Variants in ZFAND3 observed in about 807,000 individuals in gnomAD.
ZFAND3 encodes the protein zinc finger AN1-type containing 3, also known as AN1-type zinc finger protein 3.
ZFAND3 carries 10 observed loss-of-function variants against 29.6 expected under a neutral mutation model. That is an observed-to-expected ratio of 0.34 (90% CI 0.21 to 0.57). ZFAND3 has a LOEUF of 0.57. Among genes scored for constraint, ZFAND3 ranks in the 20% least tolerant of loss-of-function variants. ZFAND3 has a pLI of 0.86. For missense variants in ZFAND3, 230 were observed against 304.5 expected (o/e 0.76, Z 1.82); for synonymous variants, 128 against 112.6 (o/e 1.14, Z -0.87).
chr6:37,961,589 G>A (rs965606565), intron 2 of ZFAND3, among the ~76,000 whole-genome samples: 1 of 152,242 alleles, frequency 6.6e-6, no homozygotes, highest in Non-Finnish European at 1.5e-5. Flanking sequence ...ACCCAGCGAA[G>A]TCCTAGAGCT....
intron 5 of ZFAND3, among the ~76,000 whole-genome samples, chr6:38,146,945 T>G (rs1170828545): frequency 2.0e-5 from 3 of 152,226 alleles, no homozygotes; most frequent in South Asian, 2.1e-4. Context: ...TTTTTTTATT[T>G]GTACAAATGT....
intron 5 of ZFAND3, among the ~76,000 whole-genome samples, chr6:38,117,852 C>G (rs945505668): frequency 6.6e-6 from 1 of 152,216 alleles, no homozygotes; most frequent in Non-Finnish European, 1.5e-5. Flanking sequence ...CAATTATCTG[C>G]CCTATTGGAA....
At chr6:37,967,941 C>T (rs1160441630) in intron 2 of ZFAND3, among the ~76,000 whole-genome samples, 1 of 152,134 alleles carries the variant, frequency 6.6e-6, no homozygotes, top group Admixed American at 6.5e-5. Context: ...CTAACATAAT[C>T]CTCTTGTTTT....
intron 3 of ZFAND3, among the ~76,000 whole-genome samples, chr6:38,065,173 G>A (rs573170385): frequency 1.3e-5 from 2 of 152,044 alleles, no homozygotes; most frequent in South Asian, 4.2e-4. Flanking sequence ...AAAATTAGCC[G>A]AGCATGGTAG....
At chr6:37,998,513 G>A (rs920250767) in intron 2 of ZFAND3, among the ~76,000 whole-genome samples, 24 of 150,098 alleles carry the variant, frequency 1.6e-4, no homozygotes, top group Non-Finnish European at 5.9e-5. Context: ...TATTACAGAT[G>A]TATGAAACAT....
At chr6:38,125,154 A>G (rs1480101067) in intron 5 of ZFAND3, among the ~76,000 whole-genome samples, 1 of 152,176 alleles carries the variant, frequency 6.6e-6, no homozygotes, top group Non-Finnish European at 1.5e-5. Flanking sequence ...TTCCTTTGCT[A>G]TACTCCTCCC....
chr6:37,915,742 C>G (rs1382188984), intron 1 of ZFAND3: 1 of 152,172 alleles, frequency 6.6e-6, no homozygotes, highest in East Asian at 1.9e-4. Context: ...GCACTCTCCC[C>G]TGATGCTATG....
chr6:37,939,673 T>C (rs1463016659), intron 2 of ZFAND3, among the ~76,000 whole-genome samples: 1 of 152,178 alleles, frequency 6.6e-6, no homozygotes, highest in Non-Finnish European at 1.5e-5. Flanking sequence ...ACTTCTAGTT[T>C]AGAGAACTGT....
chr6:38,143,373 C>CT (rs1382147017), intron 5 of ZFAND3, among the ~76,000 whole-genome samples: 4 of 152,356 alleles, frequency 2.6e-5, no homozygotes, highest in Middle Eastern at 3.4e-3. Flanking sequence ...TGACGGCTCT[C>CT]TGAGAGCGAT....
chr6:38,008,860 T>TAA (rs552760432), intron 2 of ZFAND3, among the ~76,000 whole-genome samples: 2 of 146,248 alleles, frequency 1.4e-5, no homozygotes, highest in East Asian at 2.0e-4. Context: ...CTGTGATCTG[T>TAA]AAAAAAAAAA....
intron 1 of ZFAND3, among the ~76,000 whole-genome samples, chr6:37,874,153 G>C (rs546913715): frequency 6.6e-6 from 1 of 152,300 alleles, no homozygotes; most frequent in South Asian, 2.1e-4. Context: ...TTCTTGGTTT[G>C]TAGATGGCCA....
chr6:37,904,122 A>C (rs73419471), intron 1 of ZFAND3, among the ~76,000 whole-genome samples: 1 of 152,198 alleles, frequency 6.6e-6, no homozygotes, highest in Non-Finnish European at 1.5e-5. Context: ...TGCTGCTCTG[A>C]CATACATAAG....
In ZFAND3 at chr6:37,893,323, AAAAC is replaced by A. The variant is rs564487221; in HGVS notation, c.72-36632_72-36629del. ...TTAATGTAATACATCAACAGAATGA[AAAAC>A]AAATTATATCATCATCTCAATAGAG... is the stretch of plus-strand genomic sequence containing the variant. On this transcript the variant is annotated intron_variant, in intron 1 of 5. Coordinates refer to ENST00000287218, the MANE Select transcript of ZFAND3 (RefSeq NM_021943.3). Among the ~76,000 whole-genome samples, 9 of 152,358 alleles carry A rather than the reference AAAAC, an allele frequency of 5.9e-5. No individual in the cohort carries two copies. In the South Asian group the frequency reaches 8.3e-4, roughly 14 times the overall value.
intron 4 of ZFAND3, among the ~76,000 whole-genome samples, chr6:38,096,766 G>A (rs1181503013): frequency 1.3e-5 from 2 of 151,854 alleles, no homozygotes; most frequent in African/African-American, 4.8e-5. Flanking sequence ...TGATTCTGTT[G>A]ACTTTGTCTT....
intron 1 of ZFAND3, among the ~76,000 whole-genome samples, chr6:37,830,604 A>G (rs1202777993): frequency 1.3e-5 from 2 of 152,226 alleles, no homozygotes; most frequent in Non-Finnish European, 2.9e-5. Context: ...TGCTAAGACC[A>G]TAGATACCTT....
intron 5 of ZFAND3, among the ~76,000 whole-genome samples, chr6:38,120,409 T>C (rs991895674): frequency 7.7e-6 from 1 of 129,540 alleles, no homozygotes; most frequent in Non-Finnish European, 1.6e-5. Flanking sequence ...CACTGCAACC[T>C]CTGCCTCCCA....
chr6:38,091,138 A>G (rs1422730505), intron 4 of ZFAND3, among the ~76,000 whole-genome samples: 1 of 152,130 alleles, frequency 6.6e-6, no homozygotes, highest in Middle Eastern at 3.4e-3. Flanking sequence ...ATAAAAATGC[A>G]CTCTAGTATA....
At chr6:37,963,024 C>T (rs189677134) in intron 2 of ZFAND3, among the ~76,000 whole-genome samples, 1 of 152,096 alleles carries the variant, frequency 6.6e-6, no homozygotes, top group Non-Finnish European at 1.5e-5. Flanking sequence ...TCATGCGAGA[C>T]CACAAACCCA....
chr6:37,910,762 CTT>C (rs754104667), intron 1 of ZFAND3, among the ~76,000 whole-genome samples: 1 of 152,174 alleles, frequency 6.6e-6, no homozygotes, highest in Non-Finnish European at 1.5e-5. Context: ...GAGTTGGACT[CTT>C]TTACATTCTG....
Sources: gnomAD v4.1 joint callset for allele counts (sites outside exome capture counted in the v4.1 genomes callset) on GRCh38, gnomAD v4.1.1 for gene constraint, MANE v1.5 for transcripts, NCBI Gene and HGNC (gene_info 2026-07-23, HGNC 2026-07-21) for gene names.